Variants in GRM4 observed in about 807,000 individuals in gnomAD.
The protein encoded by GRM4 is glutamate metabotropic receptor 4.
In GRM4, 28 loss-of-function variants were observed where a neutral mutation model predicts 81.7. That is an observed-to-expected ratio of 0.34 (90% confidence interval 0.25 to 0.47). GRM4 has a LOEUF of 0.47. GRM4 is among the 20% of genes least tolerant of loss of function. The pLI, the probability that GRM4 is intolerant of heterozygous loss-of-function variation, is 1.00. For missense variants in GRM4, 948 were observed against 1,290.0 expected, an observed-to-expected ratio of 0.73 and a Z score of 4.06; for synonymous variants, 488 against 528.8, an observed-to-expected ratio of 0.92 and a Z score of 1.06.
intron 4 of GRM4, 76 bp downstream of exon 4, chr6:34,061,817 C>T: frequency 6.7e-7 from 1 of 1,494,662 alleles, no homozygotes; most frequent in Non-Finnish European, 9.2e-7. Flanking sequence ...GGGAAGGTCT[C>T]CAGCAGGACA....
intron 6 of GRM4, 84 bp from the exon 7 acceptor site, chr6:34,040,832 C>G: frequency 8.6e-7 from 1 of 1,164,430 alleles, no homozygotes; most frequent in Non-Finnish European, 1.3e-6. Flanking sequence ...CACCCTCTGG[C>G]CACCTGGAGA....
At chr6:34,075,323 C>G (rs991779185) in intron 3 of GRM4, among the ~76,000 whole-genome samples, 7 of 152,170 alleles carry the variant, frequency 4.6e-5, no homozygotes, top group East Asian at 3.8e-4. Context: ...TCCTCTCCTC[C>G]GCCTCACTTC....
At chr6:34,053,898 C>T (rs1765732338) in intron 6 of GRM4, among the ~76,000 whole-genome samples, 1 of 152,266 alleles carries the variant, frequency 6.6e-6, no homozygotes, top group East Asian at 1.9e-4. Context: ...AAATCCACGG[C>T]CTAGGCCCCA....
At chr6:34,119,220 A>T (rs1326556375) in intron 2 of GRM4, among the ~76,000 whole-genome samples, 2 of 152,036 alleles carry the variant, frequency 1.3e-5, no homozygotes, top group Non-Finnish European at 2.9e-5. Flanking sequence ...ACATGGTGAA[A>T]CCCCATCTCT....
chr6:34,121,882 C>T lies in GRM4; in HGVS notation c.519+11096G>A, dbSNP rs1316362170. On this transcript the variant is annotated intron_variant, in intron 2 of 10. Coordinates refer to ENST00000538487, the MANE Select transcript of GRM4 (RefSeq NM_000841.4). The surrounding 1 kb of genome is among the most constrained non-coding windows in gnomAD (Gnocchi z 4.6). ...GAGCTAATCACCTTGTGCTGTTCCA[C>T]CCTACCCACAGGCAAGGAGAGCAGG... 6.6e-6 allele frequency among the ~76,000 whole-genome samples: 1 copy of T among 152,116 alleles called. No individual in the cohort carries two copies.
chr6:34,124,789 G>A (rs1292140609), intron 2 of GRM4, among the ~76,000 whole-genome samples: 1 of 152,150 alleles, frequency 6.6e-6, no homozygotes, highest in African/African-American at 2.4e-5. Context: ...GACAAAGTGA[G>A]TTCCAGATGG....
chr6:34,044,285 CACAT>C (rs200206367), intron 6 of GRM4, among the ~76,000 whole-genome samples: 18 of 151,416 alleles, frequency 1.2e-4, no homozygotes, highest in Non-Finnish European at 1.8e-4. Flanking sequence ...CATACACACA[CACAT>C]AGACATACAT....
intron 3 of GRM4, among the ~76,000 whole-genome samples, chr6:34,077,610 C>T (rs1418303442): frequency 6.6e-6 from 1 of 152,158 alleles, no homozygotes; most frequent in Admixed American, 6.5e-5. Context: ...TGTCCTGAGG[C>T]CCTGCAGGAC....
rs530460865 is a variant in GRM4, at chr6:34,040,017, G to A, written c.1506+161C>T. 2.0e-3 allele frequency among the ~76,000 whole-genome samples: 310 copies of A among 152,346 alleles called. 1 individual carries two copies. The highest frequency in any genetic ancestry group is 4.6e-3 in the Admixed American group (70 of 15,310). On this transcript the variant is annotated intron_variant, in intron 8 of 10. Transcript: ENST00000538487. ...TCCATTTCAGGGTGGGGGCCTCAGA[G>A]CCGCTGAGGTCTGGGAGAGGGCACT...
At chr6:34,038,140 G>A (rs929988391) in intron 8 of GRM4, among the ~76,000 whole-genome samples, 2 of 152,180 alleles carry the variant, frequency 1.3e-5, no homozygotes, top group Admixed American at 6.5e-5. Flanking sequence ...TGAGTGTTCC[G>A]GAAAACTCTG....
rs2127509572 is a variant in GRM4, at chr6:34,130,150, G to A, written c.519+2828C>T. ...CCCAAAGTTCAATCTTTTTGCTTCT[G>A]TAAATGGCTTTTAAGTTTCTCACCC... On this transcript the variant is annotated intron_variant, in intron 2 of 10. Transcript: ENST00000538487. The surrounding 1 kb of genome is among the most constrained non-coding windows in gnomAD (Gnocchi z 4.1). Among the ~76,000 whole-genome samples, 1 of 152,248 alleles carries A rather than the reference G, an allele frequency of 6.6e-6. No homozygotes were observed. The highest frequency in any genetic ancestry group is 2.1e-4 in the South Asian group (1 of 4,828).
chr6:34,141,822 A>G (rs1770701493), intron 1 of GRM4, among the ~76,000 whole-genome samples: 1 of 152,180 alleles, frequency 6.6e-6, no homozygotes, highest in Non-Finnish European at 1.5e-5. Context: ...GAAGTGGGAA[A>G]CCAAGGCAGA....
In GRM4 at chr6:34,035,641, CGT is replaced by C; in HGVS notation, c.2442+25_2442+26del. ...TTGCTCACTGCCCTCACCTACCCAC[CGT>C]CCACCCCCGGCCCCCACCACTCACC... On this transcript the variant is annotated intron_variant, in intron 9 of 10. Transcript: ENST00000538487. The surrounding 1 kb of genome is among the most constrained non-coding windows in gnomAD (Gnocchi z 6.6). 2 of 1,378,084 alleles carry C rather than the reference CGT, an allele frequency of 1.5e-6. No individual in the cohort carries two copies. Among genetic ancestry groups the C allele is most frequent in the Non-Finnish European group, 2.0e-6 (2 of 995,746 alleles). 85.4% of individuals were successfully genotyped at this position (1,378,084 alleles called of 1,614,324 possible).
At chr6:34,142,914 C>T (rs888106157) in intron 1 of GRM4, among the ~76,000 whole-genome samples, 2 of 152,208 alleles carry the variant, frequency 1.3e-5, no homozygotes, top group African/African-American at 2.4e-5. Flanking sequence ...TCCGCCTGCT[C>T]AGGACCTGTG....
rs952341051 is a variant in GRM4, at chr6:34,130,228, T to A, written c.519+2750A>T. On this transcript the variant is annotated intron_variant, in intron 2 of 10. Coordinates refer to ENST00000538487, the MANE Select transcript of GRM4 (RefSeq NM_000841.4). This position sits in a 1 kb window ranked among gnomAD's most constrained non-coding sequence, Gnocchi z 4.1. ...TTGAGGAGGCCTCTTGTCACCAGCCTGGAACATTAAGGCTGTTAAAAGGGA... is the reference window on the plus strand; with the variant it reads ...TTGAGGAGGCCTCTTGTCACCAGCCAGGAACATTAAGGCTGTTAAAAGGGA... 1.3e-5 allele frequency among the ~76,000 whole-genome samples: 2 copies of A among 152,228 alleles called. No individual in the cohort carries two copies. Among genetic ancestry groups the A allele is most frequent in the African/African-American group, 4.8e-5 (2 of 41,458 alleles).
chr6:34,088,611 G>C (rs1435970411), intron 3 of GRM4, among the ~76,000 whole-genome samples: 1 of 152,184 alleles, frequency 6.6e-6, no homozygotes, highest in Admixed American at 6.5e-5. Context: ...AGGAGACAGG[G>C]TGTATAGGTA....
chr6:34,093,781 C>T (rs6913586), intron 2 of GRM4, among the ~76,000 whole-genome samples: 2,610 of 152,316 alleles, frequency 0.017, 88 homozygotes, highest in African/African-American at 0.058. Flanking sequence ...CCAGCTGGCC[C>T]GCTCTCCGCC....
intron 1 of GRM4, among the ~76,000 whole-genome samples, chr6:34,138,152 T>C (rs1330943561): frequency 6.6e-6 from 1 of 152,226 alleles, no homozygotes; most frequent in Non-Finnish European, 1.5e-5. Context: ...TTGTCCTTTG[T>C]TTCCCAGGGT....
chr6:34,023,005 C>A, intron 10 of GRM4, 135 bp from the exon 11 acceptor site: 43 of 733,202 alleles, frequency 5.9e-5, no homozygotes, highest in Non-Finnish European at 9.5e-5. Context: ...CTGAGCTGAG[C>A]AATCGACACT....
Sources: allele counts gnomAD v4.1 joint callset (sites outside exome capture counted in the v4.1 genomes callset), GRCh38; gene constraint gnomAD v4.1.1; non-coding constraint Gnocchi (gnomAD v3.1); transcripts MANE v1.5; gene names NCBI Gene and HGNC (gene_info 2026-07-23, HGNC 2026-07-21).